The following MID2 variants were observed in gnomAD, a reference collection of about 807,000 sequenced individuals.
MID2 encodes the protein midline 2.
MID2 carries 13 observed loss-of-function variants against 46.1 expected under a neutral mutation model. The ratio of observed to expected loss-of-function variants is 0.28; its 90% CI spans 0.18 to 0.45. The LOEUF is 0.45. MID2 is among the 20% of genes least tolerant of loss of function. The pLI, the probability that MID2 is intolerant of heterozygous loss-of-function variation, is 1.00. For missense variants in MID2, 431 were observed against 575.4 expected, an observed-to-expected ratio of 0.75 and a Z score of 2.57; for synonymous variants, 199 against 212.3, an observed-to-expected ratio of 0.94 and a Z score of 0.55.
chrX:107,888,417 C>G (rs962385495), intron 3 of MID2, among the ~76,000 whole-genome samples: 5 of 112,155 alleles, frequency 4.5e-5, no homozygotes, highest in African/African-American at 1.6e-4. Flanking sequence ...TGTTCAGTTT[C>G]CATGTAGTTG....
chrX:107,827,207 T>C (rs1392185407), intron 1 of MID2, among the ~76,000 whole-genome samples: 1 of 111,765 alleles, frequency 8.9e-6, no homozygotes, highest in African/African-American at 3.3e-5. Flanking sequence ...TTTTCAGAGG[T>C]GTTTCTTCTT....
chrX:107,887,201 C>T (rs1433128759), intron 3 of MID2, among the ~76,000 whole-genome samples: 2 of 111,680 alleles, frequency 1.8e-5, no homozygotes, highest in Non-Finnish European at 3.8e-5. Context: ...TGTCTTGTGC[C>T]AGTTTTCAAA....
chrX:107,837,391 G>T (rs1931231293), intron 1 of MID2, among the ~76,000 whole-genome samples: 1 of 111,348 alleles, frequency 9.0e-6, no homozygotes, highest in Admixed American at 9.6e-5. Context: ...AGTTCTAGAA[G>T]AGATAGTAAT....
At chrX:107,913,850 C>T (rs111645319) in intron 5 of MID2, among the ~76,000 whole-genome samples, 5,497 of 111,495 alleles carry the variant, frequency 0.049, 359 homozygotes, top group African/African-American at 0.17. Context: ...CATATTATTT[C>T]CCCACCTAAT....
rs771078656 is a variant in MID2, at chrX:107,916,179, A to G, written c.1201+50A>G. The stretch of plus-strand genomic sequence containing the variant: ...TCCATTTAATTTTTTTTCTTCTGGT[A>G]TGCTTTTACTTAAAAATAATTTGAA... On this transcript the variant is annotated intron_variant, in intron 6 of 9. Transcript: ENST00000262843. The G allele has an allele frequency of 1.2e-5, 12 of 975,661 alleles. No homozygotes were observed. In the African/African-American group the frequency reaches 2.0e-4, roughly 16 times the overall value. The allele number at this position is 975,661 out of a possible 1,213,427, so 80.4% of individuals were successfully genotyped here.
At chrX:107,851,862 T>C (rs936890170) in intron 2 of MID2, among the ~76,000 whole-genome samples, 1 of 83,141 alleles carries the variant, frequency 1.2e-5, no homozygotes, top group Non-Finnish European at 2.1e-5. Context: ...ACTTTTTATT[T>C]ATTTATTTAT....
intron 2 of MID2, among the ~76,000 whole-genome samples, chrX:107,849,450 C>T (rs1296806709): frequency 9.1e-6 from 1 of 109,917 alleles, no homozygotes; most frequent in Non-Finnish European, 1.9e-5. Context: ...GAGAAAGTTA[C>T]CTGAAATAAT....
intron 5 of MID2, among the ~76,000 whole-genome samples, chrX:107,913,280 C>T (rs1023995142): frequency 1.3e-4 from 14 of 111,942 alleles, no homozygotes; most frequent in Non-Finnish European, 2.6e-4. Flanking sequence ...CCAATTGCTT[C>T]ATGTTATTTT....
chrX:107,862,424 G>C lies in MID2; in HGVS notation c.816+7720G>C, dbSNP rs767770692. Among the ~76,000 whole-genome samples the C allele has an allele frequency of 2.2e-4, 25 of 111,953 alleles. No individual in the cohort carries two copies. In the South Asian group the frequency reaches 9.6e-3, roughly 43 times the overall value. On this transcript the variant is annotated intron_variant, in intron 3 of 9. Coordinates refer to ENST00000262843, the MANE Select transcript of MID2 (RefSeq NM_012216.4). ...GGGAAGAGGGAGTGGTAATGAAATT[G>C]CAGCAGCAAAAATATTGGGTACCTT...
At position 107,845,525 on chromosome X, in the gene MID2, A is replaced by ACACT. The variant is rs1276957001; in HGVS notation, c.720+4141_720+4142insACTC. ...CACACACACACACACACACACACAC[A>ACACT]CTCTCTCTCTCTCTCTCTCTCTCTC... On this transcript the variant is annotated intron_variant, in intron 2 of 9. Transcript: ENST00000262843. Among the ~76,000 whole-genome samples the ACACT allele has an allele frequency of 2.5e-3, 183 of 72,937 alleles. 4 individuals are homozygous for ACACT. Among genetic ancestry groups the ACACT allele is most frequent in the African/African-American group, 0.012 (160 of 13,210 alleles). The allele number at this position is 72,937 out of a possible 115,157, so 63.3% of individuals were successfully genotyped here. A position where few individuals can be genotyped will look rare whatever the true frequency, so the allele number is the denominator to read the frequency against.
chrX:107,925,434 A>T (rs920812370), intron 8 of MID2, among the ~76,000 whole-genome samples: 2 of 112,160 alleles, frequency 1.8e-5, no homozygotes, highest in Non-Finnish European at 1.9e-5. Flanking sequence ...GTTATAAAGA[A>T]TTATCTGTTG....
intron 9 of MID2, 88 bp downstream of exon 9, chrX:107,926,389 A>G (rs1195952419): frequency 2.4e-6 from 2 of 844,186 alleles, no homozygotes; most frequent in African/African-American, 2.1e-5. Flanking sequence ...CATAATACCA[A>G]TAAGTCAAGG....
intron 3 of MID2, among the ~76,000 whole-genome samples, chrX:107,869,300 T>C (rs1168749704): frequency 8.9e-6 from 1 of 111,754 alleles, no homozygotes; most frequent in Non-Finnish European, 1.9e-5. Context: ...ATGTACTTGC[T>C]TCTATTCTAG....
chrX:107,830,550 A>G lies in MID2; in HGVS notation c.4+4120A>G, dbSNP rs1931068460. 2.7e-5 allele frequency among the ~76,000 whole-genome samples: 3 copies of G among 112,339 alleles called. No individual in the cohort carries two copies. In the South Asian group the frequency reaches 1.1e-3, roughly 41 times the overall value. On this transcript the variant is annotated intron_variant, in intron 1 of 9. Coordinates refer to ENST00000262843, the MANE Select transcript of MID2 (RefSeq NM_012216.4). ...ATGAGATGTAACATGTTGATACTGG[A>G]TATACAACAGTTTTGGATAATTCAA... is the stretch of plus-strand genomic sequence containing the variant.
chrX:107,828,123 C>A (rs1745196592), intron 1 of MID2, among the ~76,000 whole-genome samples: 1 of 110,090 alleles, frequency 9.1e-6, no homozygotes, highest in African/African-American at 3.3e-5. Context: ...CACTTCCCCC[C>A]AGCTCTCTTT....
intron 3 of MID2, among the ~76,000 whole-genome samples, chrX:107,897,098 TC>T (rs1320039610): frequency 1.8e-5 from 2 of 111,617 alleles, no homozygotes. Context: ...TCTTATGTAC[TC>T]CTCCCACAAG....
chrX:107,849,097 C>T (rs1276272812), intron 2 of MID2, among the ~76,000 whole-genome samples: 1 of 112,170 alleles, frequency 8.9e-6, no homozygotes, highest in Non-Finnish European at 1.9e-5. Context: ...GGTTCAATTC[C>T]CACATAAAAG....
rs780372814 is a variant in MID2 at position 107,924,565 on chromosome X, C to T, written c.1597+61C>T. On this transcript the variant is annotated intron_variant, in intron 8 of 9. Coordinates refer to ENST00000262843, the MANE Select transcript of MID2 (RefSeq NM_012216.4). ...TTCTTCTCCATGCCAGGGGAGTACA[C>T]AGCCTGAGCAGGCACTCACAGCAGT... 152 of 1,106,785 alleles carry T rather than the reference C, an allele frequency of 1.4e-4. 1 individual carries two copies. The highest frequency in any genetic ancestry group is 4.0e-4 in the Admixed American group (18 of 44,614). The allele number at this position is 1,106,785 out of a possible 1,213,427, so 91.2% of individuals were successfully genotyped here.
chrX:107,900,066 C>G (rs1269184550), intron 3 of MID2, among the ~76,000 whole-genome samples: 1 of 111,507 alleles, frequency 9.0e-6, no homozygotes. Context: ...TGGGGTGCTT[C>G]TTGACATGAA....
Sources: gnomAD v4.1 joint callset for allele counts (sites outside exome capture counted in the v4.1 genomes callset) on GRCh38, gnomAD v4.1.1 for gene constraint, MANE v1.5 for transcripts, NCBI Gene and HGNC (gene_info 2026-07-23, HGNC 2026-07-21) for gene names.